The following MBNL3 variants were observed in gnomAD, a reference collection of about 807,000 sequenced individuals.
MBNL3 encodes muscleblind like splicing regulator 3, also known as muscleblind-like protein 3.
A neutral mutation model predicts 24.5 loss-of-function variants in MBNL3; 6 were observed. The observed-to-expected ratio is 0.25, with a 90% CI of 0.13 to 0.48. The LOEUF (loss-of-function observed/expected upper bound fraction) is 0.48. Among genes scored for constraint, MBNL3 ranks in the 20% least tolerant of loss-of-function variants. MBNL3 has a pLI of 0.99. For missense variants in MBNL3, 230 were observed against 293.5 expected (o/e 0.78, Z 1.58); for synonymous variants, 100 against 101.7 (o/e 0.98, Z 0.10).
At chrX:132,481,274 G>A (rs986564112) in intron 1 of MBNL3, among the ~76,000 whole-genome samples, 1 of 112,036 alleles carries the variant, frequency 8.9e-6, no homozygotes, top group East Asian at 2.8e-4. Context: ...TATGATCTAG[G>A]CTTGAAAGTG....
intron 6 of MBNL3, among the ~76,000 whole-genome samples, chrX:132,385,740 C>A (rs750474747): frequency 9.0e-6 from 1 of 110,687 alleles, no homozygotes; most frequent in Non-Finnish European, 1.9e-5. Context: ...TTTATGGTAC[C>A]TTTCAAAATT....
chrX:132,395,216 C>T (rs1017556624), intron 3 of MBNL3, among the ~76,000 whole-genome samples: 1 of 111,256 alleles, frequency 9.0e-6, no homozygotes, highest in African/African-American at 3.3e-5. Context: ...AAGGGCTTAG[C>T]GTTGACTAAC....
At chrX:132,384,577 T>C (rs1935636036) in intron 7 of MBNL3, 86 bp downstream of exon 7, 1 of 862,399 alleles carries the variant, frequency 1.2e-6, no homozygotes, top group African/African-American at 2.0e-5. Context: ...CAGCCACATC[T>C]TTCAGTCATT....
chrX:132,389,796 A>T (rs1399361795), intron 5 of MBNL3, among the ~76,000 whole-genome samples: 1 of 111,652 alleles, frequency 9.0e-6, no homozygotes, highest in Non-Finnish European at 1.9e-5. Context: ...CTCAGTGATC[A>T]CACTGCAGTG....
chrX:132,427,875 T>C (rs151222732), intron 2 of MBNL3, among the ~76,000 whole-genome samples: 16 of 111,865 alleles, frequency 1.4e-4, no homozygotes, highest in South Asian at 3.7e-4. Context: ...TTTAATGGAA[T>C]TAAAGGGAAT....
chrX:132,417,080 T>G (rs1457812983), intron 2 of MBNL3, among the ~76,000 whole-genome samples: 1 of 111,863 alleles, frequency 8.9e-6, no homozygotes, highest in Non-Finnish European at 1.9e-5. Context: ...ATGAAACTGC[T>G]GAGATTACTG....
intron 2 of MBNL3, 52 bp from the exon 3 acceptor site, chrX:132,406,444 T>A (rs1414709613): frequency 9.3e-7 from 1 of 1,074,466 alleles, no homozygotes; most frequent in Admixed American, 3.0e-5. Flanking sequence ...CACAAATAGA[T>A]AAATTTTGGA....
chrX:132,450,008 G>A lies in MBNL3; in HGVS notation c.-703-9694C>T, dbSNP rs1313952638. On this transcript the variant is annotated intron_variant, in intron 1 of 8. Coordinates refer to ENST00000370853, the MANE Select transcript of MBNL3 (RefSeq NM_001386889.1). ...CCCCCCCCCCCGCCACTTCTGGCTT[G>A]TAGGGTTTCTGCAGAGAGATCTGCT... 8.7e-5 allele frequency among the ~76,000 whole-genome samples: 7 copies of A among 80,445 alleles called. No homozygotes were observed. The East Asian group carries it at 2.0e-3, about 23-fold the overall frequency. 69.9% of individuals were successfully genotyped at this position (80,445 alleles called of 115,157 possible).
intron 2 of MBNL3, among the ~76,000 whole-genome samples, chrX:132,438,512 A>G (rs1290104219): frequency 1.8e-5 from 2 of 110,955 alleles, no homozygotes; most frequent in Non-Finnish European, 1.9e-5. Context: ...GTTCTTGTTA[A>G]GCTTAATTCA....
rs1287000282 is a variant in MBNL3, at chrX:132,373,003, T to G, written c.*6663A>C. On this transcript the variant is annotated 3_prime_UTR_variant, in exon 9 of 9. Coordinates refer to ENST00000370853, the MANE Select transcript of MBNL3 (RefSeq NM_001386889.1). ...CTGCACAAATTAGTCAAACTAAATA[T>G]TTTCTTGAGGTTAGTAATAGAGGGC... The G allele has an allele frequency of 1.8e-5, 2 of 110,743 alleles. No individual in the cohort carries two copies. Among genetic ancestry groups the G allele is most frequent in the Non-Finnish European group, 3.8e-5 (2 of 52,802 alleles). 9.1% of individuals were successfully genotyped at this position (110,743 alleles called of 1,213,427 possible). A position where few individuals can be genotyped will look rare whatever the true frequency, so the allele number is the denominator to read the frequency against.
intron 1 of MBNL3, among the ~76,000 whole-genome samples, chrX:132,479,502 C>CT (rs1194304233): frequency 8.9e-6 from 1 of 111,748 alleles, no homozygotes; most frequent in Non-Finnish European, 1.9e-5. Flanking sequence ...TCATCAGCCG[C>CT]TTTTTTGTTT....
intron 1 of MBNL3, among the ~76,000 whole-genome samples, chrX:132,486,064 T>G (rs1383077328): frequency 8.9e-6 from 1 of 111,964 alleles, no homozygotes; most frequent in African/African-American, 3.3e-5. Context: ...AGGATGAAAT[T>G]ACTTGTCAAA....
chrX:132,471,866 C>T (rs1236310081), intron 1 of MBNL3, among the ~76,000 whole-genome samples: 1 of 112,324 alleles, frequency 8.9e-6, no homozygotes, highest in Non-Finnish European at 1.9e-5. Context: ...CATACGTAGT[C>T]TGTAAATACA....
chrX:132,425,763 C>T lies in MBNL3; in HGVS notation c.177+13672G>A, dbSNP rs748664514. 3.6e-5 allele frequency among the ~76,000 whole-genome samples: 4 copies of T among 111,662 alleles called. No homozygotes were observed. In the South Asian group the frequency reaches 1.5e-3, roughly 42 times the overall value. ...TAAGACAAAAAATGCTAGACCATTA[C>T]TACATAATCACACTAATTATCTTAA... On this transcript the variant is annotated intron_variant, in intron 2 of 8. Coordinates refer to ENST00000370853, the MANE Select transcript of MBNL3 (RefSeq NM_001386889.1).
rs1404880703 is a variant in MBNL3, at chrX:132,376,790, A to G, written c.*2876T>C. ...AAGTCATTGCACATCTAGTTTAAAG[A>G]GTGCTATCTTAAAATTGTATTTTTT... On this transcript the variant is annotated 3_prime_UTR_variant, in exon 9 of 9. Coordinates refer to ENST00000370853, the MANE Select transcript of MBNL3 (RefSeq NM_001386889.1). 1.8e-5 allele frequency: 2 copies of G among 111,727 alleles called. No individual in the cohort carries two copies. The highest frequency in any genetic ancestry group is 6.5e-5 in the African/African-American group (2 of 30,812). The allele number at this position is 111,727 out of a possible 1,213,427, so 9.2% of individuals were successfully genotyped here. A position where few individuals can be genotyped will look rare whatever the true frequency, so the allele number is the denominator to read the frequency against.
At chrX:132,411,857 G>A (rs897923782) in intron 2 of MBNL3, among the ~76,000 whole-genome samples, 7 of 111,505 alleles carry the variant, frequency 6.3e-5, no homozygotes, top group Non-Finnish European at 1.1e-4. Context: ...CTGATGAATA[G>A]CCGCCCTGCC....
intron 2 of MBNL3, among the ~76,000 whole-genome samples, chrX:132,409,673 T>C (rs992744886): frequency 5.4e-5 from 6 of 111,186 alleles, no homozygotes; most frequent in Non-Finnish European, 9.4e-5. Flanking sequence ...TAAACGTACC[T>C]ACAACAGTCG....
intron 1 of MBNL3, among the ~76,000 whole-genome samples, chrX:132,482,838 C>G (rs1373750740): frequency 1.8e-5 from 2 of 112,247 alleles, no homozygotes; most frequent in African/African-American, 6.5e-5. Context: ...AGAAAGCGAG[C>G]AGAGTGCATA....
intron 1 of MBNL3, among the ~76,000 whole-genome samples, chrX:132,454,704 T>G (rs2148482387): frequency 8.9e-6 from 1 of 112,200 alleles, no homozygotes; most frequent in South Asian, 3.7e-4. Flanking sequence ...GTGTCTCAAC[T>G]TACTGTTTCT....
Sources: allele counts gnomAD v4.1 joint callset (sites outside exome capture counted in the v4.1 genomes callset), GRCh38; gene constraint gnomAD v4.1.1; transcripts MANE v1.5; gene names NCBI Gene and HGNC (gene_info 2026-07-23, HGNC 2026-07-21).